CELF2: variants seen among roughly 807,000 people sequenced by gnomAD.
CELF2 encodes CUGBP Elav-like family member 2.
CELF2 carries 8 observed loss-of-function variants against 62.6 expected under a neutral mutation model. The observed-to-expected ratio is 0.13, with a 90% CI of 0.07 to 0.23. The LOEUF is 0.23. Ranked by LOEUF, CELF2 falls within the 10% of genes least tolerant of loss-of-function variation. The pLI is 1.00. For missense variants in CELF2, 333 were observed against 671.0 expected, an observed-to-expected ratio of 0.50 and a Z score of 5.56; for synonymous variants, 258 against 250.0, an observed-to-expected ratio of 1.03 and a Z score of -0.30.
At chr10:10,679,759 G>A in the CELF2 span, among the ~76,000 whole-genome samples, 304 of 152,204 alleles carry the variant, frequency 2.0e-3, 1 homozygote, top group Admixed American at 3.1e-3. Context: ...AATGTATTCA[G>A]TAGATACATG....
intron 1 of CELF2, among the ~76,000 whole-genome samples, chr10:10,869,674 A>C (rs2133343358): frequency 6.6e-6 from 1 of 152,292 alleles, no homozygotes; most frequent in South Asian, 2.1e-4. Context: ...TGGTTTTATG[A>C]AAAATTACAA....
intron 2 of CELF2, among the ~76,000 whole-genome samples, chr10:11,200,677 G>A (rs1465772569): frequency 6.6e-6 from 1 of 152,190 alleles, no homozygotes; most frequent in Non-Finnish European, 1.5e-5. Context: ...GTGCCCCTCT[G>A]CATAGGCCTG....
chr10:10,897,688 G>A (rs537418855), intron 1 of CELF2, among the ~76,000 whole-genome samples: 9 of 152,242 alleles, frequency 5.9e-5, no homozygotes, highest in East Asian at 3.9e-4. Flanking sequence ...GAATCCTCTC[G>A]TGTAATAGTA....
chr10:10,862,491 G>C (rs146970312), intron 1 of CELF2, among the ~76,000 whole-genome samples: 10 of 152,284 alleles, frequency 6.6e-5, no homozygotes, highest in African/African-American at 2.4e-4. Context: ...TTCTTAGGTG[G>C]TACCTGATTG....
At chr10:11,016,385 C>G (rs2137710404), upstream of CELF2, among the ~76,000 whole-genome samples, 2 of 152,262 alleles carry the variant, frequency 1.3e-5, no homozygotes, top group South Asian at 4.1e-4. This position sits in a 1 kb window ranked among gnomAD's most constrained non-coding sequence, Gnocchi z 5.2. Context: ...ATCTAATGAT[C>G]TTGGAAATAG....
chr10:11,079,358 CA>C (rs1400724009), intron 1 of CELF2, among the ~76,000 whole-genome samples: 1 of 152,158 alleles, frequency 6.6e-6, no homozygotes, highest in Non-Finnish European at 1.5e-5. Flanking sequence ...GTCACCTCAA[CA>C]AAAACGTGCG....
chr10:11,079,833 A>C (rs1320084382), intron 1 of CELF2, among the ~76,000 whole-genome samples: 2 of 149,424 alleles, frequency 1.3e-5, no homozygotes, highest in African/African-American at 5.0e-5. Context: ...AGCTTCTGCC[A>C]TCACCTGGCA....
chr10:10,786,954 G>A, the CELF2 span, among the ~76,000 whole-genome samples: 3 of 149,658 alleles, frequency 2.0e-5, no homozygotes, highest in Non-Finnish European at 3.0e-5. Context: ...AGGGCAGCTG[G>A]TCATATCCCT....
At chr10:11,249,549 G>T (rs17136767) in intron 4 of CELF2, among the ~76,000 whole-genome samples, 1 of 152,088 alleles carries the variant, frequency 6.6e-6, no homozygotes, top group South Asian at 2.1e-4. Context: ...TCCAGAGGAC[G>T]TCTGCAGGAA....
intron 2 of CELF2, among the ~76,000 whole-genome samples, chr10:11,208,091 G>T (rs2060870344): frequency 6.6e-6 from 1 of 152,166 alleles, no homozygotes. Context: ...ACTCGTGGTT[G>T]CTGGGATGGT....
intron 3 of CELF2, among the ~76,000 whole-genome samples, chr10:11,248,353 C>T (rs2076220104): frequency 6.6e-6 from 1 of 152,100 alleles, no homozygotes; most frequent in Non-Finnish European, 1.5e-5. Context: ...GGACCTCGGC[C>T]CCGCTGTGTC....
chr10:10,625,803 G>A, the CELF2 span, among the ~76,000 whole-genome samples: 1 of 152,212 alleles, frequency 6.6e-6, no homozygotes. Flanking sequence ...AAGCCCCAGA[G>A]GAACAGGGTC....
At position 10,879,474 on chromosome 10, in the gene CELF2, G is replaced by T. The variant is rs145430363; in HGVS notation, c.54-40490G>T. Among the ~76,000 whole-genome samples, 965 of 152,258 alleles carry T rather than the reference G, an allele frequency of 6.3e-3. 6 individuals carry two copies. The highest frequency in any genetic ancestry group is 0.02 in the South Asian group (98 of 4,820). ...TGTTGCAAAGCTCACATTTGAAGTT[G>T]TTCATACCACAGATTCTCAGAATTA... On this transcript the variant is annotated intron_variant, in intron 1 of 13. Coordinates refer to the CELF2 transcript ENST00000636488.
rs941713344 is a variant in CELF2 at position 11,231,382 on chromosome 10, C to T, written c.354+13875C>T. 5.9e-5 allele frequency among the ~76,000 whole-genome samples: 9 copies of T among 152,062 alleles called. No individual in the cohort carries two copies. In the South Asian group the frequency reaches 8.3e-4, roughly 14 times the overall value. ...CATCAAAGAGTGAGCTGCAGTTGGG[C>T]GACCAAATAAGAAACAAAGTGATTA... On this transcript the variant is annotated intron_variant, in intron 3 of 12. Transcript: ENST00000633077.
the CELF2 span, among the ~76,000 whole-genome samples, chr10:10,564,680 ACG>A: frequency 1.3e-3 from 173 of 131,592 alleles, no homozygotes; most frequent in Non-Finnish European, 2.0e-3. Flanking sequence ...ACACGCACAC[ACG>A]CACACACACA....
At chr10:10,913,376 T>C (rs1439677129) in intron 1 of CELF2, among the ~76,000 whole-genome samples, 1 of 131,566 alleles carries the variant, frequency 7.6e-6, no homozygotes, top group Non-Finnish European at 1.6e-5. Flanking sequence ...TTTGTAATGA[T>C]GTCTTTTTTT....
At chr10:10,705,109 G>A in the CELF2 span, among the ~76,000 whole-genome samples, 4,594 of 152,030 alleles carry the variant, frequency 0.03, 179 homozygotes, top group African/African-American at 0.093. Flanking sequence ...TCGCTTGAGC[G>A]TAGATATGTG....
Position 11,321,419 on chromosome 10 carries a change from A to C in CELF2, c.1294+33A>C, listed in dbSNP as rs774535493. ...CCGCCCTTGGCCCCAGGCAGGGCCC[A>C]GCCCAACAGGCAGCACTGGCCTCTA... On this transcript the variant is annotated intron_variant, in intron 11 of 12. Transcript: ENST00000633077. This position sits in a 1 kb window ranked among gnomAD's most constrained non-coding sequence, Gnocchi z 6.2. 41 of 1,581,084 alleles carry C rather than the reference A, an allele frequency of 2.6e-5. No homozygotes were observed. The highest frequency in any genetic ancestry group is 8.4e-5 in the Admixed American group (5 of 59,388).
At chr10:10,615,347 G>A in the CELF2 span, among the ~76,000 whole-genome samples, 1 of 152,098 alleles carries the variant, frequency 6.6e-6, no homozygotes, top group Non-Finnish European at 1.5e-5. Context: ...AATTTGGGTT[G>A]TCAGATGGAT....
Sources: gnomAD v4.1 joint callset for allele counts (sites outside exome capture counted in the v4.1 genomes callset) on GRCh38, gnomAD v4.1.1 for gene constraint, Gnocchi (gnomAD v3.1) non-coding constraint, MANE v1.5 for transcripts, NCBI Gene and HGNC (gene_info 2026-07-23, HGNC 2026-07-21) for gene names.